Variants in SCRN3 observed in about 807,000 individuals in gnomAD.
The protein encoded by SCRN3 is secernin 3.
In SCRN3, 39 loss-of-function variants were observed where a neutral mutation model predicts 43.1. The ratio of observed to expected loss-of-function variants is 0.91; its 90% confidence interval spans 0.70 to 1.18. The LOEUF (loss-of-function observed/expected upper bound fraction) is 1.18. Ranked by LOEUF, SCRN3 falls within the 50% of genes most tolerant of loss-of-function variation. The pLI is 0.00. For synonymous variants in SCRN3, 147 were observed against 163.1 expected (o/e 0.90, Z 0.75); for missense variants, 484 against 498.0 (o/e 0.97, Z 0.27).
intron 7 of SCRN3, among the ~76,000 whole-genome samples, chr2:174,425,384 C>A (rs1324034025): frequency 1.3e-5 from 2 of 152,044 alleles, no homozygotes; most frequent in Admixed American, 6.5e-5. Context: ...ATCTGTTGAC[C>A]CCCTGCAATG....
intron 1 of SCRN3, 75 bp downstream of exon 1, chr2:174,395,892 T>C: frequency 7.0e-7 from 1 of 1,435,910 alleles, no homozygotes; most frequent in Non-Finnish European, 9.1e-7. Context: ...GGCGCGGCAC[T>C]GCTTGACCGA....
chr2:174,411,007 C>A (rs1275590112), intron 5 of SCRN3, among the ~76,000 whole-genome samples: 1 of 152,012 alleles, frequency 6.6e-6, no homozygotes, highest in Non-Finnish European at 1.5e-5. Context: ...TGAAAAAGAT[C>A]CATTTGGGGA....
At chr2:174,404,360 T>C in intron 5 of SCRN3, 45 bp downstream of exon 5, 1 of 1,333,974 alleles carries the variant, frequency 7.5e-7, no homozygotes, top group Non-Finnish European at 1.1e-6. Flanking sequence ...AACTACATTT[T>C]GTGTAGATGT....
At chr2:174,423,504 C>G (rs1297880827) in intron 6 of SCRN3, among the ~76,000 whole-genome samples, 1 of 152,164 alleles carries the variant, frequency 6.6e-6, no homozygotes, top group Non-Finnish European at 1.5e-5. Flanking sequence ...GAGTCTCGCT[C>G]TGTCACCCAG....
In SCRN3 at chr2:174,419,812, T is replaced by G. The variant is rs190306294; in HGVS notation, c.755-3073T>G. 3.1e-4 allele frequency among the ~76,000 whole-genome samples: 47 copies of G among 152,278 alleles called. No homozygotes were observed. The East Asian group carries it at 7.3e-3, about 24-fold the overall frequency. On this transcript the variant is annotated intron_variant, in intron 5 of 7. Coordinates refer to ENST00000272732, the MANE Select transcript of SCRN3 (RefSeq NM_024583.5). ...TCAGGATAAAAAGAGACTTATGTAT[T>G]TAATAAATGGGAGGCATAATAGTGC...
chr2:174,422,511 T>C (rs1188945615), intron 5 of SCRN3, among the ~76,000 whole-genome samples: 1 of 151,660 alleles, frequency 6.6e-6, no homozygotes, highest in Non-Finnish European at 1.5e-5. Context: ...GAGACAGAGA[T>C]TGCAGTGAGC....
At chr2:174,397,318 A>G (rs928225752) in intron 1 of SCRN3, 25 of 985,150 alleles carry the variant, frequency 2.5e-5, no homozygotes, top group Admixed American at 6.1e-5. Flanking sequence ...CTGTAAAACA[A>G]TGTGTCTGTT....
chr2:174,401,025 C>G lies in SCRN3; in HGVS notation c.377C>G (p.Ala126Gly). The change falls in exon 4 of 8, where the codon GCC becomes GGC. Residue 126 changes from alanine (A) to glycine (G), a missense_variant. By Grantham distance (60) the Ala-to-Gly change is moderately conservative. Coordinates refer to ENST00000272732, the MANE Select transcript of SCRN3 (RefSeq NM_024583.5). ...GAAAGAGCTGATACAGCTGAAAAAG[C>G]CCTCAATGTCATTGTTGACTTACTA... ...GLERADTAEK[A>G]LNVIVDLLEK... The G allele has an allele frequency of 1.9e-6, 3 of 1,613,444 alleles. No individual in the cohort carries two copies. Among genetic ancestry groups the G allele is most frequent in the Non-Finnish European group, 2.5e-6 (3 of 1,179,688 alleles).
Position 174,405,539 on chromosome 2 carries a change from A to G in SCRN3, c.754+1224A>G, listed in dbSNP as rs1419065759. Reference sequence around the variant, plus strand: ...AGACATGAAGTCCTTGCCCATGCCTATGTCCTGAATGGTAATGCCTAGGTT... The same window carrying G: ...AGACATGAAGTCCTTGCCCATGCCTGTGTCCTGAATGGTAATGCCTAGGTT... On this transcript the variant is annotated intron_variant, in intron 5 of 7. Transcript: ENST00000272732. Among the ~76,000 whole-genome samples, 9 of 134,102 alleles carry G rather than the reference A, an allele frequency of 6.7e-5. No individual in the cohort carries two copies. The South Asian group carries it at 7.0e-4, about 10-fold the overall frequency. 88.0% of individuals were successfully genotyped at this position (134,102 alleles called of 152,430 possible).
chr2:174,397,347 C>A (rs988338707), intron 1 of SCRN3: 1 of 983,112 alleles, frequency 1.0e-6, no homozygotes, highest in Non-Finnish European at 1.2e-6. Flanking sequence ...AAAATAAGGA[C>A]CTTTAGGTGT....
At chr2:174,411,095 C>T (rs930288123) in intron 5 of SCRN3, among the ~76,000 whole-genome samples, 1 of 152,150 alleles carries the variant, frequency 6.6e-6, no homozygotes. Flanking sequence ...TAGGATGGAA[C>T]TGAGCTGCCT....
chr2:174,414,285 A>G (rs768992708), intron 5 of SCRN3, among the ~76,000 whole-genome samples: 1 of 152,212 alleles, frequency 6.6e-6, no homozygotes, highest in Admixed American at 6.5e-5. Context: ...TCAAAATTCT[A>G]AAGTACACAA....
At chr2:174,397,476 G>A in intron 1 of SCRN3, 1 of 716,280 alleles carries the variant, frequency 1.4e-6, no homozygotes, top group Non-Finnish European at 1.7e-6. Context: ...AGAAATATCA[G>A]CAATTTGGAA....
chr2:174,408,282 C>A (rs1685767271), intron 5 of SCRN3, among the ~76,000 whole-genome samples: 1 of 100,060 alleles, frequency 1.0e-5, no homozygotes, highest in South Asian at 3.4e-4. Context: ...AGGATTGCAA[C>A]CCCTGCCTTT....
intron 7 of SCRN3, among the ~76,000 whole-genome samples, chr2:174,426,367 A>G (rs1184871602): frequency 6.6e-6 from 1 of 152,190 alleles, no homozygotes; most frequent in East Asian, 1.9e-4. Context: ...TCCCACTAAT[A>G]TGAAATGTAG....
intron 5 of SCRN3, among the ~76,000 whole-genome samples, chr2:174,414,126 T>C (rs1686023028): frequency 6.6e-6 from 1 of 152,100 alleles, no homozygotes; most frequent in South Asian, 2.1e-4. Flanking sequence ...TAGTTGTTTT[T>C]CTGTATTTTG....
At chr2:174,400,180 T>C in intron 3 of SCRN3, 77 bp downstream of exon 3, 1 of 1,145,022 alleles carries the variant, frequency 8.7e-7, no homozygotes. Context: ...TTGTTTTATT[T>C]TCCTATTTTT....
chr2:174,427,801 T>C lies in SCRN3; in HGVS notation c.1181T>C (p.Leu394Pro). ...EMESILQNKHLDVEKIVNLFP... is the reference protein window; with the variant it reads ...EMESILQNKHPDVEKIVNLFP... ...GAATCAATCCTTCAAAACAAGCATC[T>C]TGATGTGGAGAAAATTGTTAATCTC... is the stretch of plus-strand genomic sequence containing the variant. The change falls in exon 8 of 8, where the codon CTT becomes CCT. Residue 394 changes from leucine (L) to proline (P), a missense_variant. Leu to Pro is a moderately conservative substitution (Grantham distance 98). Transcript: ENST00000272732. 1.9e-6 allele frequency: 3 copies of C among 1,611,690 alleles called. No individual in the cohort carries two copies. The highest frequency in any genetic ancestry group is 2.2e-5 in the East Asian group (1 of 44,726).
chr2:174,419,841 G>A (rs545313750), intron 5 of SCRN3, among the ~76,000 whole-genome samples: 1 of 152,258 alleles, frequency 6.6e-6, no homozygotes, highest in South Asian at 2.1e-4. Context: ...ATAGTGCAGT[G>A]GAGTGGTTAA....
Sources: gnomAD v4.1 joint callset for allele counts (sites outside exome capture counted in the v4.1 genomes callset) on GRCh38, gnomAD v4.1.1 for gene constraint, MANE v1.5 for transcripts, NCBI Gene and HGNC (gene_info 2026-07-23, HGNC 2026-07-21) for gene names.